LIFR: variants seen among roughly 807,000 people sequenced by gnomAD.
LIFR encodes leukemia inhibitory factor receptor.
In LIFR, 84 loss-of-function variants were observed where a neutral mutation model predicts 122.2. That is an observed-to-expected ratio of 0.69 (90% CI 0.58 to 0.82). LIFR has a LOEUF of 0.82. Ranked by LOEUF, LIFR falls within the 40% of genes least tolerant of loss-of-function variation. LIFR has a pLI of 0.00. For missense variants in LIFR, 1,294 were observed against 1,311.6 expected, an observed-to-expected ratio of 0.99 and a Z score of 0.21; for synonymous variants, 422 against 434.7, an observed-to-expected ratio of 0.97 and a Z score of 0.36.
At chr5:38,528,596 G>A (rs1377735912) in intron 3 of LIFR, 130 bp downstream of exon 3, 11 of 716,344 alleles carry the variant, frequency 1.5e-5, no homozygotes, top group South Asian at 6.3e-5. Context: ...CAGAGGTCAC[G>A]GCAGACTCTG....
At chr5:38,559,159 A>G (rs1331775876), upstream of LIFR, 3 of 152,262 alleles carry the variant, frequency 2.0e-5, no homozygotes, top group African/African-American at 4.8e-5. Flanking sequence ...CCTGCCTTCC[A>G]TGTATACCCA....
intron 2 of LIFR, among the ~76,000 whole-genome samples, chr5:38,601,865 C>T (rs1750228290): frequency 6.6e-6 from 1 of 152,150 alleles, no homozygotes; most frequent in Admixed American, 6.6e-5. Context: ...CAATATACCC[C>T]CAACTGAAGC....
At chr5:38,510,412 G>A (rs1412541829) in intron 7 of LIFR, 52 bp downstream of exon 7, 5 of 1,532,412 alleles carry the variant, frequency 3.3e-6, no homozygotes, top group Non-Finnish European at 4.5e-6. Context: ...AGGCTTTCAA[G>A]GAAGACCAAA....
upstream of LIFR, chr5:38,557,770 C>G (rs1043297742): frequency 6.5e-6 from 1 of 153,658 alleles, no homozygotes; most frequent in Non-Finnish European, 1.5e-5. Flanking sequence ...GAAAAGTAGA[C>G]TCCCAAAACA....
chr5:38,605,267 A>T (rs141779344), intron 2 of LIFR, among the ~76,000 whole-genome samples: 1 of 152,108 alleles, frequency 6.6e-6, no homozygotes, highest in Non-Finnish European at 1.5e-5. Flanking sequence ...ACACTGGGCT[A>T]TATTTCCCAT....
intron 5 of LIFR, 118 bp downstream of exon 5, chr5:38,523,301 G>C: frequency 2.6e-6 from 2 of 757,096 alleles, no homozygotes. Flanking sequence ...AACCCTGAAA[G>C]GTATCTGATT....
chr5:38,505,003 AGT>A (rs1745388383), intron 9 of LIFR, among the ~76,000 whole-genome samples: 1 of 152,150 alleles, frequency 6.6e-6, no homozygotes, highest in Non-Finnish European at 1.5e-5. Context: ...CCTGACATGG[AGT>A]GTTAATGCAC....
At chr5:38,501,862 T>C (rs886767559) in intron 11 of LIFR, among the ~76,000 whole-genome samples, 3 of 151,944 alleles carry the variant, frequency 2.0e-5, no homozygotes, top group Admixed American at 6.6e-5. Flanking sequence ...ACCAGTTACC[T>C]GATTTTATAC....
chr5:38,577,607 C>T (rs922277273), intron 1 of LIFR, among the ~76,000 whole-genome samples: 6 of 152,314 alleles, frequency 3.9e-5, no homozygotes, highest in African/African-American at 1.4e-4. Flanking sequence ...ACATGTCCTG[C>T]CCTGTCAACC....
chr5:38,592,801 C>G (rs1321129334), intron 1 of LIFR, among the ~76,000 whole-genome samples: 1 of 151,856 alleles, frequency 6.6e-6, no homozygotes, highest in Non-Finnish European at 1.5e-5. Flanking sequence ...AATGGTTGTA[C>G]ATATATTTGC....
At chr5:38,540,338 C>T (rs533241081) in intron 1 of LIFR, among the ~76,000 whole-genome samples, 19 of 152,354 alleles carry the variant, frequency 1.2e-4, no homozygotes, top group African/African-American at 4.1e-4. Flanking sequence ...AGCTCTCCCC[C>T]GACCTGTCCG....
intron 15 of LIFR, among the ~76,000 whole-genome samples, 189 bp downstream of exon 15, chr5:38,489,994 CAAAAAAA>C (rs58235156): frequency 8.1e-5 from 4 of 49,686 alleles, no homozygotes; most frequent in Non-Finnish European, 1.4e-4. Flanking sequence ...GACCCTCTCT[CAAAAAAA>C]AAAAAAAAAA....
chr5:38,555,186 G>A (rs1021283691), intron 1 of LIFR: 1 of 152,164 alleles, frequency 6.6e-6, no homozygotes, highest in African/African-American at 2.4e-5. Flanking sequence ...CTAAAAGAAT[G>A]GTCTCGTGTT....
chr5:38,560,958 T>C (rs372644718), upstream of LIFR, among the ~76,000 whole-genome samples: 7 of 152,098 alleles, frequency 4.6e-5, no homozygotes, highest in East Asian at 1.2e-3. Flanking sequence ...TTATTTACAA[T>C]GAAAGACAAA....
At chr5:38,525,407 G>A (rs966097140) in intron 4 of LIFR, among the ~76,000 whole-genome samples, 7 of 152,120 alleles carry the variant, frequency 4.6e-5, no homozygotes, top group Non-Finnish European at 5.9e-5. Context: ...AAAACTGCAG[G>A]ACAGTGCAGG....
chr5:38,528,622 A>C, intron 3 of LIFR, 104 bp downstream of exon 3: 1 of 776,498 alleles, frequency 1.3e-6, no homozygotes, highest in Non-Finnish European at 2.3e-6. Flanking sequence ...CACAGAACAC[A>C]AGCAGGAAAT....
At chr5:38,528,295 C>A in intron 3 of LIFR, among the ~76,000 whole-genome samples, 1 of 152,134 alleles carries the variant, frequency 6.6e-6, no homozygotes, top group East Asian at 1.9e-4. Flanking sequence ...TTTATTGTGA[C>A]CTCCCAGGGG....
At position 38,480,713 on chromosome 5, in the gene LIFR, A is replaced by G; in HGVS notation, c.*882T>C. On this transcript the variant is annotated 3_prime_UTR_variant, in exon 20 of 20. Transcript: ENST00000453190. ...TCTCACATAGTAAGTCACTGGAATT[A>G]CATGCTTATGAATAATATTGAATTT... 1 of 210,332 alleles carries G rather than the reference A, an allele frequency of 4.8e-6. No individual in the cohort carries two copies. Among genetic ancestry groups the G allele is most frequent in the Non-Finnish European group, 9.7e-6 (1 of 103,586 alleles). 13.0% of individuals were successfully genotyped at this position (210,332 alleles called of 1,614,324 possible).
chr5:38,532,482 G>A (rs894233342), intron 1 of LIFR, among the ~76,000 whole-genome samples: 3 of 152,140 alleles, frequency 2.0e-5, no homozygotes, highest in Non-Finnish European at 4.4e-5. Context: ...GCAGACAGTA[G>A]CGAGCTCGCA....
Sources: gnomAD v4.1 joint callset for allele counts (sites outside exome capture counted in the v4.1 genomes callset) on GRCh38, gnomAD v4.1.1 for gene constraint, MANE v1.5 for transcripts, NCBI Gene and HGNC (gene_info 2026-07-23, HGNC 2026-07-21) for gene names.